RASGRF2: variants seen among roughly 807,000 people sequenced by gnomAD.
RASGRF2 encodes the protein Ras protein specific guanine nucleotide releasing factor 2, also known as ras-specific guanine nucleotide-releasing factor 2.
A neutral mutation model predicts 151.0 loss-of-function variants in RASGRF2; 76 were observed. That is an observed-to-expected ratio of 0.50 (90% CI 0.42 to 0.61). The LOEUF is 0.61. Among genes scored for constraint, RASGRF2 ranks in the 20% least tolerant of loss-of-function variants. The probability of loss-of-function intolerance (pLI) is 0.00; values close to 1 mark genes in which losing one functional copy is unlikely to be tolerated. For synonymous variants in RASGRF2, 504 were observed against 566.5 expected, an observed-to-expected ratio of 0.89 and a Z score of 1.57; for missense variants, 1,148 against 1,564.6, an observed-to-expected ratio of 0.73 and a Z score of 4.49.
intron 2 of RASGRF2, among the ~76,000 whole-genome samples, chr5:81,061,997 CAAAAAAAAAAAA>C (rs34991044): frequency 0.032 from 1,394 of 43,994 alleles, 23 homozygotes; most frequent in African/African-American, 0.14. Flanking sequence ...TCCCAGCTGA[CAAAAAAAAAAAA>C]AAAAAAAAAA....
At chr5:81,059,805 C>G (rs191780) in intron 2 of RASGRF2, among the ~76,000 whole-genome samples, 17,139 of 152,138 alleles carry the variant, frequency 0.11, 1,238 homozygotes, top group Non-Finnish European at 0.16. Context: ...GATCGCGCCA[C>G]TCCACTCCAG....
At chr5:80,962,653 C>A (rs999091497) in intron 1 of RASGRF2, among the ~76,000 whole-genome samples, 3 of 151,090 alleles carry the variant, frequency 2.0e-5, no homozygotes, top group African/African-American at 7.3e-5. Context: ...TTACCTGTTA[C>A]AATTCATATG....
intron 9 of RASGRF2, 51 bp downstream of exon 9, chr5:81,087,004 C>T (rs1274532496): frequency 1.3e-6 from 2 of 1,495,546 alleles, no homozygotes. Context: ...GCGGCTGTCA[C>T]ATGATCTCGG....
chr5:81,222,115 G>T (rs1755869177), intron 26 of RASGRF2, among the ~76,000 whole-genome samples: 1 of 152,128 alleles, frequency 6.6e-6, no homozygotes, highest in Non-Finnish European at 1.5e-5. Flanking sequence ...ACCAAGATAT[G>T]GGCTTTAGAT....
intron 15 of RASGRF2, among the ~76,000 whole-genome samples, chr5:81,116,540 C>T (rs1357376413): frequency 2.6e-5 from 4 of 151,988 alleles, no homozygotes; most frequent in African/African-American, 9.7e-5. Context: ...AACAACTCTC[C>T]TAGAGAATCT....
At chr5:81,013,600 T>C (rs1296735557) in intron 1 of RASGRF2, among the ~76,000 whole-genome samples, 1 of 151,452 alleles carries the variant, frequency 6.6e-6, no homozygotes, top group East Asian at 1.9e-4. Context: ...ATTTGTTATA[T>C]ATATATATAT....
chr5:81,083,107 T>G (rs911138369), intron 7 of RASGRF2, among the ~76,000 whole-genome samples: 1 of 152,224 alleles, frequency 6.6e-6, no homozygotes, highest in African/African-American at 2.4e-5. Context: ...TCTTGTTCCC[T>G]TGCAGTTCTT....
intron 1 of RASGRF2, among the ~76,000 whole-genome samples, chr5:80,985,924 GGTGTGTGT>G (rs57558988): frequency 2.0e-5 from 3 of 149,884 alleles, no homozygotes; most frequent in Admixed American, 1.3e-4. Flanking sequence ...TAGGTCTTTA[GGTGTGTGT>G]GTGTGTGTGT....
chr5:81,099,123 CAATT>C (rs1752625645), intron 12 of RASGRF2, among the ~76,000 whole-genome samples: 1 of 152,196 alleles, frequency 6.6e-6, no homozygotes, highest in South Asian at 2.1e-4. Context: ...CACTTCTGCA[CAATT>C]AAAGAACCTC....
chr5:81,122,837 G>T (rs1753346044), intron 15 of RASGRF2, among the ~76,000 whole-genome samples: 1 of 152,154 alleles, frequency 6.6e-6, no homozygotes, highest in Admixed American at 6.5e-5. Flanking sequence ...TGGCCTAAGG[G>T]TGACCCTAAA....
chr5:80,988,018 T>C (rs1405651716), intron 1 of RASGRF2, among the ~76,000 whole-genome samples: 174 of 143,476 alleles, frequency 1.2e-3, no homozygotes, highest in African/African-American at 2.8e-3. Flanking sequence ...CGTGTGTGTG[T>C]GTGTGTGTGT....
chr5:81,101,478 ATT>A, intron 12 of RASGRF2, among the ~76,000 whole-genome samples: 1 of 148,034 alleles, frequency 6.8e-6, no homozygotes, highest in African/African-American at 2.5e-5. Context: ...TCCAGGAGCC[ATT>A]TTTTTTTTTC....
intron 17 of RASGRF2, among the ~76,000 whole-genome samples, chr5:81,129,321 A>G (rs1753554077): frequency 6.6e-6 from 1 of 152,104 alleles, no homozygotes; most frequent in Non-Finnish European, 1.5e-5. Flanking sequence ...AAGCTTCTGA[A>G]CCAATATTCA....
chr5:81,024,841 T>C (rs1749963540), intron 1 of RASGRF2, among the ~76,000 whole-genome samples: 1 of 152,214 alleles, frequency 6.6e-6, no homozygotes, highest in Non-Finnish European at 1.5e-5. Flanking sequence ...TGGTGATTAA[T>C]ATGTCCAGCC....
At chr5:80,962,857 T>C (rs1347856235) in intron 1 of RASGRF2, among the ~76,000 whole-genome samples, 2 of 152,220 alleles carry the variant, frequency 1.3e-5, no homozygotes, top group Non-Finnish European at 2.9e-5. Flanking sequence ...TTTTCCCTTT[T>C]TATGACCATG....
At chr5:81,207,190 T>C in intron 20 of RASGRF2, 56 bp from the exon 21 acceptor site, 2 of 1,433,624 alleles carry the variant, frequency 1.4e-6, no homozygotes, top group Non-Finnish European at 9.8e-7. Flanking sequence ...TGACCTGCAA[T>C]GAGATGGCAG....
chr5:80,990,752 G>A (rs1270821544), intron 1 of RASGRF2, among the ~76,000 whole-genome samples: 1 of 152,168 alleles, frequency 6.6e-6, no homozygotes, highest in Non-Finnish European at 1.5e-5. Flanking sequence ...AACTCCAGTG[G>A]GAATTCCTTG....
chr5:81,067,555 A>T (rs1580275256), intron 2 of RASGRF2, among the ~76,000 whole-genome samples: 1 of 152,232 alleles, frequency 6.6e-6, no homozygotes, highest in African/African-American at 2.4e-5. Flanking sequence ...TAATACAGAC[A>T]TAATAGATTT....
chr5:81,221,340 T>C (rs2112751169), intron 26 of RASGRF2, among the ~76,000 whole-genome samples: 1 of 152,310 alleles, frequency 6.6e-6, no homozygotes, highest in South Asian at 2.1e-4. Context: ...GATTTGTTTC[T>C]TCTCCATTTA....
Sources: gnomAD v4.1 joint callset for allele counts (sites outside exome capture counted in the v4.1 genomes callset) on GRCh38, gnomAD v4.1.1 for gene constraint, MANE v1.5 for transcripts, NCBI Gene and HGNC (gene_info 2026-07-23, HGNC 2026-07-21) for gene names.